Variants in GABRB1 observed in about 807,000 individuals in gnomAD.
GABRB1 encodes gamma-aminobutyric acid type A receptor subunit beta1, also known as gamma-aminobutyric acid receptor subunit beta-1.
In GABRB1, 17 loss-of-function variants were observed where a neutral mutation model predicts 51.6. That is an observed-to-expected ratio of 0.33 (90% confidence interval 0.23 to 0.49). The LOEUF is 0.49. Ranked by LOEUF, GABRB1 falls within the 20% of genes least tolerant of loss-of-function variation. The pLI, the probability that GABRB1 is intolerant of heterozygous loss-of-function variation, is 0.99. For synonymous variants in GABRB1, 247 were observed against 218.9 expected (o/e 1.13, Z -1.14); for missense variants, 410 against 600.6 (o/e 0.68, Z 3.32).
chr4:47,194,354 C>G (rs1425612054), intron 4 of GABRB1, among the ~76,000 whole-genome samples: 1 of 152,180 alleles, frequency 6.6e-6, no homozygotes, highest in Non-Finnish European at 1.5e-5. Flanking sequence ...ATTGGCTACA[C>G]TCTATTTAGA....
At chr4:47,372,864 C>T (rs966430849) in intron 5 of GABRB1, among the ~76,000 whole-genome samples, 3 of 152,148 alleles carry the variant, frequency 2.0e-5, no homozygotes, top group Non-Finnish European at 4.4e-5. Flanking sequence ...TGAAGACAAA[C>T]AGCTATCATC....
intron 3 of GABRB1, among the ~76,000 whole-genome samples, chr4:47,099,788 G>A (rs762145485): frequency 3.3e-5 from 5 of 151,680 alleles, no homozygotes; most frequent in Non-Finnish European, 5.9e-5. Flanking sequence ...AAACTGAGAC[G>A]TACAATGTTG....
At chr4:47,092,169 T>C (rs71609483) in intron 3 of GABRB1, among the ~76,000 whole-genome samples, 2 of 129,834 alleles carry the variant, frequency 1.5e-5, no homozygotes, top group East Asian at 2.1e-4. Flanking sequence ...TTCTTTCTTT[T>C]TTTTTTTTTT....
rs191443348 is a variant in GABRB1, at chr4:47,078,108, G to A, written c.240+45624G>A. On this transcript the variant is annotated intron_variant, in intron 3 of 8. Transcript: ENST00000295454. Reference sequence around the variant, plus strand: ...GGGTTCAAGCAATTCTCCTGCCTCAGCCTCCTGAGAAGTTGGGATTACAGG... The same window carrying A: ...GGGTTCAAGCAATTCTCCTGCCTCAACCTCCTGAGAAGTTGGGATTACAGG... 2.9e-4 allele frequency among the ~76,000 whole-genome samples: 44 copies of A among 149,776 alleles called. No homozygotes were observed. The East Asian group carries it at 8.4e-3, about 29-fold the overall frequency.
chr4:47,003,043 C>G (rs556134848), intron 1 of GABRB1, among the ~76,000 whole-genome samples: 107 of 151,846 alleles, frequency 7.0e-4, no homozygotes, highest in African/African-American at 2.5e-3. Flanking sequence ...TTATGGATAG[C>G]ATAAGACTCC....
upstream of GABRB1, among the ~76,000 whole-genome samples, chr4:47,030,508 A>C (rs1326480047): frequency 6.6e-6 from 1 of 152,220 alleles, no homozygotes; most frequent in Non-Finnish European, 1.5e-5. Context: ...CTCTCCCATT[A>C]GATGTGAATT....
chr4:47,331,788 A>G (rs1472284565), intron 5 of GABRB1, among the ~76,000 whole-genome samples: 1 of 152,194 alleles, frequency 6.6e-6, no homozygotes, highest in East Asian at 1.9e-4. Flanking sequence ...GCACTTTATA[A>G]AGATTCCCCA....
intron 3 of GABRB1, among the ~76,000 whole-genome samples, chr4:47,141,663 A>G (rs1716942304): frequency 6.6e-6 from 1 of 151,982 alleles, no homozygotes; most frequent in Non-Finnish European, 1.5e-5. Flanking sequence ...AACATTTCTC[A>G]GAAACACTTG....
chr4:47,196,093 C>T (rs1419674994), intron 4 of GABRB1, among the ~76,000 whole-genome samples: 5 of 152,260 alleles, frequency 3.3e-5, no homozygotes, highest in Non-Finnish European at 7.4e-5. Flanking sequence ...AATAGTGTAT[C>T]CTAAAAGGAA....
At chr4:47,352,870 A>T (rs1385961221) in intron 5 of GABRB1, among the ~76,000 whole-genome samples, 1 of 152,166 alleles carries the variant, frequency 6.6e-6, no homozygotes, top group Non-Finnish European at 1.5e-5. Context: ...ATGTTTCTAG[A>T]TCCATTTTCT....
chr4:47,157,994 C>T (rs752316027), intron 3 of GABRB1, among the ~76,000 whole-genome samples: 4 of 151,888 alleles, frequency 2.6e-5, no homozygotes, highest in African/African-American at 4.8e-5. Flanking sequence ...TTTATAACCA[C>T]GATATAATTT....
chr4:47,263,412 G>C (rs1026243300), intron 4 of GABRB1, among the ~76,000 whole-genome samples: 1 of 152,038 alleles, frequency 6.6e-6, no homozygotes, highest in Non-Finnish European at 1.5e-5. Context: ...AGAAGTCACC[G>C]GGAAGAAGAG....
At chr4:47,300,882 A>G (rs1724233774) in intron 4 of GABRB1, among the ~76,000 whole-genome samples, 1 of 152,142 alleles carries the variant, frequency 6.6e-6, no homozygotes, top group Non-Finnish European at 1.5e-5. Context: ...ATACATACAT[A>G]TGTATATATG....
chr4:47,092,424 C>G (rs556494930), intron 3 of GABRB1, among the ~76,000 whole-genome samples: 96 of 151,978 alleles, frequency 6.3e-4, no homozygotes, highest in Non-Finnish European at 1.1e-3. Context: ...CCGCCCACCT[C>G]AGACTCCCAA....
intron 3 of GABRB1, among the ~76,000 whole-genome samples, chr4:47,084,709 A>C (rs1239760205): frequency 6.6e-6 from 1 of 152,150 alleles, no homozygotes. Flanking sequence ...GTCATAAACA[A>C]AGTCTTTGTA....
intron 8 of GABRB1, among the ~76,000 whole-genome samples, chr4:47,421,112 T>C (rs1729080401): frequency 6.6e-6 from 1 of 150,972 alleles, no homozygotes; most frequent in African/African-American, 2.4e-5. Flanking sequence ...CATAACTCTA[T>C]AGTAATGAAA....
intron 4 of GABRB1, among the ~76,000 whole-genome samples, chr4:47,307,755 T>C (rs1050952704): frequency 3.3e-5 from 5 of 151,970 alleles, no homozygotes; most frequent in African/African-American, 1.2e-4. Context: ...AGTCATAAGT[T>C]GATATATTGA....
At chr4:46,997,356 G>A (rs1008590177) in intron 1 of GABRB1, among the ~76,000 whole-genome samples, 1 of 151,392 alleles carries the variant, frequency 6.6e-6, no homozygotes, top group Non-Finnish European at 1.5e-5. Context: ...ACTGTTCAGT[G>A]TGCAATGAAA....
intron 1 of GABRB1, among the ~76,000 whole-genome samples, chr4:47,005,234 C>T (rs2109432862): frequency 6.6e-6 from 1 of 152,278 alleles, no homozygotes; most frequent in Non-Finnish European, 1.5e-5. Context: ...CTGGCTAACA[C>T]GGTGAAACCC....
Sources: gnomAD v4.1 joint callset for allele counts (sites outside exome capture counted in the v4.1 genomes callset) on GRCh38, gnomAD v4.1.1 for gene constraint, MANE v1.5 for transcripts, NCBI Gene and HGNC (gene_info 2026-07-23, HGNC 2026-07-21) for gene names.